CD101: variants seen among roughly 807,000 people sequenced by gnomAD.
The protein encoded by CD101 is immunoglobulin superfamily member 2.
In CD101, 76 loss-of-function variants were observed where a neutral mutation model predicts 98.2. The ratio of observed to expected loss-of-function variants is 0.77; its 90% CI spans 0.64 to 0.94. The LOEUF is 0.94. Ranked by LOEUF, CD101 falls within the 40% of genes least tolerant of loss-of-function variation. The pLI is 0.00. For missense variants in CD101, 1,145 were observed against 1,218.8 expected (o/e 0.94, Z 0.90); for synonymous variants, 471 against 472.7 (o/e 1.00, Z 0.05).
In CD101 at chr1:117,004,597, CCCAT is replaced by C. The variant is rs1365360258; in HGVS notation, c.43+2738_43+2741del. Among the ~76,000 whole-genome samples, 1 of 152,044 alleles carries C rather than the reference CCCAT, an allele frequency of 6.6e-6. No homozygotes were observed. Among genetic ancestry groups the C allele is most frequent in the East Asian group, 1.9e-4 (1 of 5,192 alleles). On this transcript the variant is annotated intron_variant, in intron 1 of 9. Transcript: ENST00000682167. The surrounding 1 kb of genome is among the most constrained non-coding windows in gnomAD (Gnocchi z 4.1). ...CTATTCAAAAGTAGCTAACCCTCTA[CCCAT>C]TAAAAGAGAGAGCAAGAGGGCAGTC... is the stretch of plus-strand genomic sequence containing the variant.
Position 117,022,793 on chromosome 1 carries a change from G to C in CD101, c.2428+810G>C, listed in dbSNP as rs114668813. 0.019 allele frequency among the ~76,000 whole-genome samples: 2,956 copies of C among 152,268 alleles called. 45 individuals carry two copies. Among genetic ancestry groups the C allele is most frequent in the Non-Finnish European group, 0.032 (2,207 of 68,024 alleles). On this transcript the variant is annotated intron_variant, in intron 7 of 9. Transcript: ENST00000682167. This position sits in a 1 kb window ranked among gnomAD's most constrained non-coding sequence, Gnocchi z 4.8. ...GCAGTGGAATACAAAGATAAAGAAGGCACAGCCCTGGCCCTTAAGGAGCTC... is the reference window on the plus strand; with the variant it reads ...GCAGTGGAATACAAAGATAAAGAAGCCACAGCCCTGGCCCTTAAGGAGCTC...
At position 117,034,127 on chromosome 1, in the gene CD101, A is replaced by T. The variant is rs2101173808; in HGVS notation, c.*26A>T. 6.2e-7 allele frequency: 1 copy of T among 1,612,354 alleles called. No individual in the cohort carries two copies. The highest frequency in any genetic ancestry group is 2.2e-5 in the East Asian group (1 of 44,866). On this transcript the variant is annotated 3_prime_UTR_variant, in exon 9 of 10. Transcript: ENST00000682167. ...ATCCCAAGAGGCACCTGCAGCCAGG[A>T]AGGAAAGGTGGGGGCTTTTTAATTG...
intron 1 of CD101, 45 bp downstream of exon 1, chr1:117,001,905 T>C (rs756645580): frequency 6.3e-7 from 1 of 1,588,426 alleles, no homozygotes; most frequent in South Asian, 1.1e-5. Flanking sequence ...CAGGAGTTCA[T>C]CAACTCAGGG....
chr1:117,013,804 C>G lies in CD101; in HGVS notation c.1228+12C>G, dbSNP rs58302070. 1,567 of 1,599,764 alleles carry G rather than the reference C, an allele frequency of 9.8e-4. 19 individuals are homozygous for G. The African/African-American group carries it at 0.018, about 19-fold the overall frequency. On this transcript the variant is annotated intron_variant, in intron 4 of 9. Coordinates refer to ENST00000682167, the MANE Select transcript of CD101 (RefSeq NM_001256106.3). ...GAGGAAGCCAGCAGGTACGTAAAGT[C>G]AAGGCCAGGCATGCATTGGGCTGCT... is the stretch of plus-strand genomic sequence containing the variant.
chr1:117,021,921 G>A lies in CD101; in HGVS notation c.2366G>A (p.Gly789Asp), dbSNP rs747322332. 9.9e-6 allele frequency: 16 copies of A among 1,613,710 alleles called. No individual in the cohort carries two copies. The East Asian group carries it at 1.6e-4, about 16-fold the overall frequency. ...GAGGAATGGCTCCTGTCTACAAATG[G>A]CACTTGGCACAAGCTTGGAGAAAAG... ...AVEEWLLSTNGTWHKLGEKKS... is the reference protein window; with the variant it reads ...AVEEWLLSTNDTWHKLGEKKS... Residue 789 changes from glycine to aspartate, a missense_variant, in exon 7 of 10, where the codon GGC becomes GAC. By Grantham distance (94) the Gly-to-Asp change is moderately conservative. Transcript: ENST00000682167. The surrounding 1 kb of genome is among the most constrained non-coding windows in gnomAD (Gnocchi z 4.7).
intron 8 of CD101, among the ~76,000 whole-genome samples, chr1:117,027,782 C>T (rs1486689853): frequency 6.6e-6 from 1 of 152,104 alleles, no homozygotes; most frequent in Non-Finnish European, 1.5e-5. Context: ...TAGAAAGTTC[C>T]CACATTAAAA....
intron 8 of CD101, chr1:117,032,276 G>C (rs1654507738): frequency 6.6e-6 from 1 of 152,162 alleles, no homozygotes; most frequent in Non-Finnish European, 1.5e-5. Flanking sequence ...AGCCATCCCT[G>C]GGTTCCCATG....
intron 1 of CD101, among the ~76,000 whole-genome samples, chr1:117,003,259 G>T (rs1421384568): frequency 6.6e-6 from 1 of 152,236 alleles, no homozygotes; most frequent in East Asian, 1.9e-4. Flanking sequence ...GTGTGACCAG[G>T]ACTATGGCTG....
At position 117,011,854 on chromosome 1, in the gene CD101, T is replaced by G. The variant is rs1196863107; in HGVS notation, c.729T>G (p.Asp243Glu). The G allele has an allele frequency of 1.9e-6, 3 of 1,613,968 alleles. No individual in the cohort carries two copies. In the Admixed American group the frequency reaches 5.0e-5, roughly 27 times the overall value. The change falls in exon 3 of 10, where the codon GAT becomes GAG. Residue 243 changes from aspartate to glutamate, a missense_variant. Physicochemically the swap from Asp to Glu is conservative, Grantham distance 45 (BLOSUM62 2). Coordinates refer to ENST00000682167, the MANE Select transcript of CD101 (RefSeq NM_001256106.3). ...RLSIERLQSS[D>E]QGQLFCEATE... ...CCATAGAGAGGCTCCAGTCCTCAGATCAGGGTCAGCTGTTCTGTGAGGCAA... is the reference window on the plus strand; with the variant it reads ...CCATAGAGAGGCTCCAGTCCTCAGAGCAGGGTCAGCTGTTCTGTGAGGCAA...
Position 117,017,828 on chromosome 1 carries a change from C to T in CD101, c.1613-328C>T, listed in dbSNP as rs368795349. ...CAAAAGGGTTCTGATACTGAACCCA[C>T]GCATGGGGGTAAGGGAAGGAGGCCA... On this transcript the variant is annotated intron_variant, in intron 5 of 9. Transcript: ENST00000682167. Among the ~76,000 whole-genome samples, 10 of 152,202 alleles carry T rather than the reference C, an allele frequency of 6.6e-5. No homozygotes were observed. In the South Asian group the frequency reaches 8.3e-4, roughly 13 times the overall value.
intron 7 of CD101, among the ~76,000 whole-genome samples, chr1:117,025,049 C>T (rs1356546255): frequency 2.0e-5 from 3 of 152,160 alleles, no homozygotes; most frequent in Non-Finnish European, 2.9e-5. Flanking sequence ...GAGAGAAAAA[C>T]AGGGACCAAG....
At position 117,017,089 on chromosome 1, in the gene CD101, G is replaced by A; in HGVS notation, c.1229-1G>A. On this transcript the variant is annotated splice_acceptor_variant, in intron 4 of 9. Transcript: ENST00000682167. LOFTEE classifies it high-confidence loss of function. Reference sequence around the variant, plus strand: ...GTTCTTCTATAATCTGTAACTCACAGCAAGAAGTGTGGTCATGTCTACCAA... The same window carrying A: ...GTTCTTCTATAATCTGTAACTCACAACAAGAAGTGTGGTCATGTCTACCAA... 6.2e-7 allele frequency: 1 copy of A among 1,612,010 alleles called. No homozygotes were observed.
chr1:117,027,861 G>A (rs55990790), intron 8 of CD101, among the ~76,000 whole-genome samples: 13,717 of 152,038 alleles, frequency 0.09, 725 homozygotes, highest in African/African-American at 0.13. Flanking sequence ...AGGCGGGCGG[G>A]TCACCTGACG....
At position 117,026,318 on chromosome 1, in the gene CD101, T is replaced by C. The variant is rs188967243; in HGVS notation, c.2824+414T>C. 31 of 174,166 alleles carry C rather than the reference T, an allele frequency of 1.8e-4. 1 individual carries two copies. In the East Asian group the frequency reaches 4.7e-3, roughly 26 times the overall value. 10.8% of individuals were successfully genotyped at this position (174,166 alleles called of 1,614,324 possible). A position where few individuals can be genotyped will look rare whatever the true frequency, so the allele number is the denominator to read the frequency against. Reference sequence around the variant, plus strand: ...ATCCTAAGAGACCAGCTAGCTTTAGTGACACTGCTTAGGAGGGACAGAATG... The same window carrying C: ...ATCCTAAGAGACCAGCTAGCTTTAGCGACACTGCTTAGGAGGGACAGAATG... On this transcript the variant is annotated intron_variant, in intron 8 of 9. Coordinates refer to ENST00000682167, the MANE Select transcript of CD101 (RefSeq NM_001256106.3).
At position 117,011,960 on chromosome 1, in the gene CD101, C is replaced by A; in HGVS notation, c.835C>A (p.Pro279Thr). ...QTDQTTLRIQ[P>T]AVKDFQVNIT... ...CGATCAAACCACTCTGAGGATCCAG[C>A]CAGCAGGTAATTATCTTCCTACGAA... The change falls in exon 3 of 10, where the codon CCA becomes ACA. Residue 279 changes from proline to threonine, a missense_variant. Transcript: ENST00000682167. 6.2e-7 allele frequency: 1 copy of A among 1,609,604 alleles called. No individual in the cohort carries two copies. Among genetic ancestry groups the A allele is most frequent in the Non-Finnish European group, 8.5e-7 (1 of 1,176,686 alleles).
chr1:117,030,197 G>C (rs1190406865), intron 8 of CD101, among the ~76,000 whole-genome samples: 1 of 152,020 alleles, frequency 6.6e-6, no homozygotes, highest in Non-Finnish European at 1.5e-5. Context: ...TTGAGCCCAG[G>C]AGTTTGAGAC....
In CD101 at chr1:117,013,634, C is replaced by T. The variant is rs764161095; in HGVS notation, c.1070C>T (p.Pro357Leu). ...QGELQVSKLG[P>L]KAFSLKIFSL... is the part of the protein sequence containing the mutation. The stretch of plus-strand genomic sequence containing the variant: ...GAGCTCCAGGTTTCAAAGTTAGGCC[C>T]CAAGGCTTTCTCTCTCAAGATCTTC... Residue 357 changes from proline (P) to leucine (L), a missense_variant, in exon 4 of 10, where the codon CCC becomes CTC. Coordinates refer to ENST00000682167, the MANE Select transcript of CD101 (RefSeq NM_001256106.3). 4 of 1,613,966 alleles carry T rather than the reference C, an allele frequency of 2.5e-6. No homozygotes were observed. In the East Asian group the frequency reaches 8.9e-5, roughly 36 times the overall value.
chr1:117,003,276 TAAAAG>T (rs887626752), intron 1 of CD101, among the ~76,000 whole-genome samples: 1 of 152,164 alleles, frequency 6.6e-6, no homozygotes, highest in African/African-American at 2.4e-5. Context: ...GCTGAAGAAT[TAAAAG>T]AAAAGAATAC....
At position 117,019,607 on chromosome 1, in the gene CD101, A is replaced by G. The variant is rs1342194976; in HGVS notation, c.2017+1047A>G. 6.6e-6 allele frequency among the ~76,000 whole-genome samples: 1 copy of G among 152,038 alleles called. No homozygotes were observed. Among genetic ancestry groups the G allele is most frequent in the Admixed American group, 6.6e-5 (1 of 15,260 alleles). On this transcript the variant is annotated intron_variant, in intron 6 of 9. Coordinates refer to ENST00000682167, the MANE Select transcript of CD101 (RefSeq NM_001256106.3). This position sits in a 1 kb window ranked among gnomAD's most constrained non-coding sequence, Gnocchi z 4.3. ...CTATTCTTAGCTTTGTTCTCTTTTC[A>G]TTCTATACGCTCTCCTGCAGTGGAC... is the stretch of plus-strand genomic sequence containing the variant.
Sources: allele counts gnomAD v4.1 joint callset (sites outside exome capture counted in the v4.1 genomes callset), GRCh38; gene constraint gnomAD v4.1.1; non-coding constraint Gnocchi (gnomAD v3.1); transcripts MANE v1.5; gene names NCBI Gene and HGNC (gene_info 2026-07-23, HGNC 2026-07-21).